SLC24A2: variants seen among roughly 807,000 people sequenced by gnomAD.
SLC24A2 encodes solute carrier family 24 member 2.
A neutral mutation model predicts 62.0 loss-of-function variants in SLC24A2; 36 were observed. The observed-to-expected ratio is 0.58, with a 90% CI of 0.44 to 0.77. The LOEUF is 0.77. SLC24A2 is among the 30% of genes least tolerant of loss of function. SLC24A2 has a pLI of 0.00. For missense variants in SLC24A2, 846 were observed against 817.9 expected, an observed-to-expected ratio of 1.03 and a Z score of -0.42; for synonymous variants, 358 against 294.0, an observed-to-expected ratio of 1.22 and a Z score of -2.23.
rs1819310436 is a variant in SLC24A2, at chr9:19,668,134, T to G, written c.931-45835A>C. Reference sequence around the variant, plus strand: ...GTGGACACACCAGATACCCAACAACTTTTGAAGTAAATTATGATCTCAGTT... The same window carrying G: ...GTGGACACACCAGATACCCAACAACGTTTGAAGTAAATTATGATCTCAGTT... On this transcript the variant is annotated intron_variant, in intron 2 of 10. Coordinates refer to ENST00000341998, the MANE Select transcript of SLC24A2 (RefSeq NM_020344.4). Among the ~76,000 whole-genome samples, 3 of 152,192 alleles carry G rather than the reference T, an allele frequency of 2.0e-5. No homozygotes were observed. The South Asian group carries it at 6.2e-4, about 32-fold the overall frequency.
At chr9:20,267,973 C>T in the SLC24A2 span, among the ~76,000 whole-genome samples, 3 of 152,138 alleles carry the variant, frequency 2.0e-5, no homozygotes, top group South Asian at 2.1e-4. Flanking sequence ...ACTGGGTTGC[C>T]TGGCCCCTAC....
chr9:19,743,077 CTG>C (rs1442178978), intron 2 of SLC24A2, among the ~76,000 whole-genome samples: 1 of 152,078 alleles, frequency 6.6e-6, no homozygotes. Context: ...TCTGAAAAAA[CTG>C]TTATTTTGAA....
the SLC24A2 span, among the ~76,000 whole-genome samples, chr9:19,803,333 A>G: frequency 6.6e-6 from 1 of 152,212 alleles, no homozygotes; most frequent in Non-Finnish European, 1.5e-5. Context: ...AGTACTTTGA[A>G]GAGAGAATTG....
At chr9:20,170,157 A>T in the SLC24A2 span, among the ~76,000 whole-genome samples, 4 of 151,922 alleles carry the variant, frequency 2.6e-5, no homozygotes, top group Non-Finnish European at 5.9e-5. Flanking sequence ...AAAGAATAAG[A>T]AGACATGAAC....
the SLC24A2 span, among the ~76,000 whole-genome samples, chr9:20,085,320 T>G: frequency 6.6e-6 from 1 of 152,208 alleles, no homozygotes; most frequent in African/African-American, 2.4e-5. Flanking sequence ...TTTGAATTAT[T>G]TTAGCTTAAG....
At chr9:19,636,315 T>TTTTCTTTTCCTTCCTTTCTTTC in intron 2 of SLC24A2, among the ~76,000 whole-genome samples, 3 of 40,328 alleles carry the variant, frequency 7.4e-5, no homozygotes, top group Admixed American at 2.7e-4. Flanking sequence ...TTTTCTTTTC[T>TTTTCTTTTCCTTCCTTTCTTTC]TTTCTTTCTT....
intron 2 of SLC24A2, among the ~76,000 whole-genome samples, chr9:19,776,418 T>A (rs2118911117): frequency 6.6e-6 from 1 of 152,340 alleles, no homozygotes; most frequent in East Asian, 1.9e-4. Flanking sequence ...GTTGATGTAG[T>A]AAGTACCTGG....
chr9:20,061,187 A>C, the SLC24A2 span, among the ~76,000 whole-genome samples: 9 of 152,344 alleles, frequency 5.9e-5, no homozygotes, highest in African/African-American at 2.2e-4. Flanking sequence ...ACTTACTATA[A>C]AGCTACAGTA....
chr9:19,528,754 C>T (rs1460418037), intron 8 of SLC24A2, among the ~76,000 whole-genome samples: 3 of 152,172 alleles, frequency 2.0e-5, no homozygotes, highest in African/African-American at 7.2e-5. Flanking sequence ...TGGAACCACC[C>T]ATGGACCAGA....
At chr9:19,868,510 ATGT>A in the SLC24A2 span, among the ~76,000 whole-genome samples, 1 of 152,186 alleles carries the variant, frequency 6.6e-6, no homozygotes, top group East Asian at 1.9e-4. Flanking sequence ...TTGATTAATG[ATGT>A]TGTGCAAGTC....
At chr9:19,591,762 T>TGTC (rs1836560209) in intron 5 of SLC24A2, among the ~76,000 whole-genome samples, 1 of 152,222 alleles carries the variant, frequency 6.6e-6, no homozygotes, top group South Asian at 2.1e-4. Context: ...AGAGCTGCCA[T>TGTC]GTCTTGTCTG....
At chr9:19,746,957 A>G (rs1821851293) in intron 2 of SLC24A2, among the ~76,000 whole-genome samples, 2 of 152,172 alleles carry the variant, frequency 1.3e-5, no homozygotes, top group African/African-American at 4.8e-5. Context: ...AAAGGAAAAA[A>G]GCCAACTAAC....
At chr9:20,222,645 G>C in the SLC24A2 span, among the ~76,000 whole-genome samples, 6 of 151,952 alleles carry the variant, frequency 3.9e-5, no homozygotes, top group South Asian at 2.1e-4. Context: ...ACCAAACGAG[G>C]TTTATCTCAG....
In SLC24A2 at chr9:19,512,748, T is replaced by G. The variant is rs4977545; in HGVS notation, c.*3405A>C. The G allele has an allele frequency of 0.62, 94,697 of 151,956 alleles. 29,816 individuals are homozygous for G. Among genetic ancestry groups the G allele is most frequent in the East Asian group, 0.82 (4,227 of 5,166 alleles). 9.4% of individuals were successfully genotyped at this position (151,956 alleles called of 1,614,324 possible). A position where few individuals can be genotyped will look rare whatever the true frequency, so the allele number is the denominator to read the frequency against. On this transcript the variant is annotated 3_prime_UTR_variant, in exon 11 of 11. Coordinates refer to ENST00000341998, the MANE Select transcript of SLC24A2 (RefSeq NM_020344.4). ...TGCAACTCATTTATTTTAGATTGAT[T>G]AGTACAATGTTGGCTCTTGAATTGT...
chr9:19,641,598 T>G (rs1157269646), intron 2 of SLC24A2, among the ~76,000 whole-genome samples: 1 of 151,012 alleles, frequency 6.6e-6, no homozygotes, highest in East Asian at 2.0e-4. Flanking sequence ...CACTGCAACC[T>G]CCGCCTCCTG....
intron 2 of SLC24A2, among the ~76,000 whole-genome samples, chr9:19,746,051 C>A (rs1046447248): frequency 6.6e-6 from 1 of 151,378 alleles, no homozygotes; most frequent in Non-Finnish European, 1.5e-5. Context: ...AAAAATCATC[C>A]AGAATTCTAC....
intron 2 of SLC24A2, among the ~76,000 whole-genome samples, chr9:19,762,194 G>C (rs1822355727): frequency 6.6e-6 from 1 of 152,120 alleles, no homozygotes; most frequent in South Asian, 2.1e-4. Flanking sequence ...GTTCCTTGTA[G>C]ATTCTGGATA....
chr9:19,869,528 A>G, the SLC24A2 span, among the ~76,000 whole-genome samples: 1 of 152,172 alleles, frequency 6.6e-6, no homozygotes, highest in Non-Finnish European at 1.5e-5. Flanking sequence ...TTTTTGGTGT[A>G]ACATTTTAAT....
chr9:20,109,475 C>G, the SLC24A2 span, among the ~76,000 whole-genome samples: 1 of 152,172 alleles, frequency 6.6e-6, no homozygotes, highest in Non-Finnish European at 1.5e-5. Context: ...TTCTGCAAGT[C>G]TCAAGCTTTA....
Sources: allele counts gnomAD v4.1 joint callset (sites outside exome capture counted in the v4.1 genomes callset), GRCh38; gene constraint gnomAD v4.1.1; transcripts MANE v1.5; gene names NCBI Gene and HGNC (gene_info 2026-07-23, HGNC 2026-07-21).